The following ZFHX3 variants were observed in gnomAD, a reference collection of about 807,000 sequenced individuals.
ZFHX3 encodes the protein zinc finger homeobox 3, also known as zinc finger homeobox protein 3.
Under a neutral mutation model 279.1 loss-of-function variants are expected in ZFHX3, and 42 were observed. That is an observed-to-expected ratio of 0.15 (90% CI 0.12 to 0.19). The LOEUF (loss-of-function observed/expected upper bound fraction) is 0.19, where lower values mean the gene tolerates loss of function less well. Ranked by LOEUF, ZFHX3 falls within the 10% of genes least tolerant of loss-of-function variation. The pLI, the probability that ZFHX3 is intolerant of heterozygous loss-of-function variation, is 1.00. For synonymous variants in ZFHX3, 2,293 were observed against 1,957.8 expected (o/e 1.17, Z -4.52); for missense variants, 4,981 against 4,754.0 (o/e 1.05, Z -1.40).
At chr16:73,575,770 G>T (rs1051177657) in intron 2 of ZFHX3, among the ~76,000 whole-genome samples, 1 of 152,074 alleles carries the variant, frequency 6.6e-6, no homozygotes, top group East Asian at 1.9e-4. Flanking sequence ...CTCATGCCGC[G>T]GGGCTGTTAG....
chr16:72,830,778 A>C (rs1435144744), intron 4 of ZFHX3, among the ~76,000 whole-genome samples: 2 of 152,254 alleles, frequency 1.3e-5, no homozygotes, highest in East Asian at 3.8e-4. Flanking sequence ...ACATTATCCA[A>C]AACATGCATT....
chr16:73,846,803 G>C (rs1961460732), intron 1 of ZFHX3, among the ~76,000 whole-genome samples: 1 of 152,104 alleles, frequency 6.6e-6, no homozygotes, highest in Admixed American at 6.5e-5. Flanking sequence ...AAAAATAACA[G>C]ACAAATGTAG....
chr16:73,319,951 AATG>A (rs1877290745), intron 3 of ZFHX3, among the ~76,000 whole-genome samples: 1 of 152,158 alleles, frequency 6.6e-6, no homozygotes, highest in African/African-American at 2.4e-5. Flanking sequence ...CCACTATTAA[AATG>A]ATGAGAGTGA....
intron 8 of ZFHX3, 23 bp downstream of exon 8, chr16:72,800,004 G>A: frequency 6.2e-7 from 1 of 1,600,218 alleles, no homozygotes; most frequent in South Asian, 1.1e-5. Context: ...CAATTTCTTG[G>A]GGTCAAGAAT....
rs3081625 is a variant in ZFHX3 at position 73,004,159 on chromosome 16, C to CTTTTTTTTTTTTTTTTTTTTTTTTTTTT, written c.-50+43592_-50+43593insAAAAAAAAAAAAAAAAAAAAAAAAAAAA. Among the ~76,000 whole-genome samples, 15 of 49,372 alleles carry CTTTTTTTTTTTTTTTTTTTTTTTTTTTT rather than the reference C, an allele frequency of 3.0e-4. 2 individuals carry two copies. In the East Asian group the frequency reaches 3.7e-3, roughly 12 times the overall value. 32.4% of individuals were successfully genotyped at this position (49,372 alleles called of 152,430 possible). On this transcript the variant is annotated intron_variant, in intron 1 of 9. Coordinates refer to ENST00000268489, the MANE Select transcript of ZFHX3 (RefSeq NM_006885.4). The stretch of plus-strand genomic sequence containing the variant: ...CAATAATAACTACATAAAAACACGA[C>CTTTTTTTTTTTTTTTTTTTTTTTTTTTT]TTTTTTTTTTTTTTTTTTTTTTTTT...
At chr16:73,493,034 T>C (rs705890) in intron 2 of ZFHX3, among the ~76,000 whole-genome samples, 93,731 of 152,050 alleles carry the variant, frequency 0.62, 31,719 homozygotes, top group East Asian at 0.98. Context: ...TTTTGCTCTA[T>C]GTATAAGCTG....
chr16:72,879,915 G>T (rs1435790657), intron 4 of ZFHX3, among the ~76,000 whole-genome samples: 1 of 152,216 alleles, frequency 6.6e-6, no homozygotes, highest in East Asian at 1.9e-4. Flanking sequence ...GGTGAGGGCT[G>T]TGTGAGAACA....
At chr16:72,886,302 C>T (rs1020151035) in intron 4 of ZFHX3, among the ~76,000 whole-genome samples, 2 of 151,730 alleles carry the variant, frequency 1.3e-5, no homozygotes, top group Admixed American at 6.6e-5. Flanking sequence ...AGAGCAAAAA[C>T]ATGACTCCAG....
intron 2 of ZFHX3, among the ~76,000 whole-genome samples, chr16:73,526,335 T>C (rs2019695094): frequency 6.6e-6 from 1 of 152,196 alleles, no homozygotes; most frequent in African/African-American, 2.4e-5. Context: ...GGCCTTATAT[T>C]AATTAGACAG....
At chr16:73,730,352 C>CAAAAAA (rs66477968) in intron 1 of ZFHX3, among the ~76,000 whole-genome samples, 119 of 81,044 alleles carry the variant, frequency 1.5e-3, no homozygotes, top group African/African-American at 2.3e-3. Context: ...CCTCCCCTCG[C>CAAAAAA]AAAAAAAAAA....
chr16:72,884,906 A>T (rs2038585297), intron 4 of ZFHX3, among the ~76,000 whole-genome samples: 1 of 152,218 alleles, frequency 6.6e-6, no homozygotes, highest in Non-Finnish European at 1.5e-5. Context: ...AGTGGTTTCT[A>T]CCTGTGGGTG....
At chr16:73,428,795 T>G (rs1171991783) in intron 3 of ZFHX3, among the ~76,000 whole-genome samples, 1 of 152,176 alleles carries the variant, frequency 6.6e-6, no homozygotes, top group East Asian at 1.9e-4. Flanking sequence ...AATCCAATCC[T>G]CTGGATTCCA....
At chr16:73,442,600 A>G (rs1386079631) in intron 3 of ZFHX3, among the ~76,000 whole-genome samples, 1 of 152,246 alleles carries the variant, frequency 6.6e-6, no homozygotes, top group Non-Finnish European at 1.5e-5. Context: ...CTAGTGTCTC[A>G]GTATTGAATT....
chr16:73,072,728 C>G (rs1395833095), intron 8 of ZFHX3, among the ~76,000 whole-genome samples: 1 of 152,146 alleles, frequency 6.6e-6, no homozygotes, highest in African/African-American at 2.4e-5. Context: ...CCATGCCAGG[C>G]TAATTTGTTT....
intron 1 of ZFHX3, among the ~76,000 whole-genome samples, chr16:73,741,028 C>CTT (rs57661722): frequency 5.6e-4 from 48 of 85,562 alleles, no homozygotes; most frequent in African/African-American, 7.5e-4. Flanking sequence ...AAAAATGGGC[C>CTT]TTTTTTTTTT....
intron 1 of ZFHX3, among the ~76,000 whole-genome samples, chr16:73,056,988 AC>A: frequency 1.3e-5 from 2 of 152,342 alleles, no homozygotes; most frequent in East Asian, 3.9e-4. Context: ...AATTTGCATT[AC>A]AGCCAAGCGA....
At chr16:73,573,824 T>C (rs772878451) in intron 2 of ZFHX3, among the ~76,000 whole-genome samples, 1 of 152,204 alleles carries the variant, frequency 6.6e-6, no homozygotes, top group Non-Finnish European at 1.5e-5. Flanking sequence ...TATTACACAG[T>C]ATAAATGCGT....
At chr16:73,562,424 T>C (rs1476739623) in intron 2 of ZFHX3, among the ~76,000 whole-genome samples, 1 of 151,876 alleles carries the variant, frequency 6.6e-6, no homozygotes, top group East Asian at 1.9e-4. Flanking sequence ...TGAAACCCTG[T>C]CTCTACTAAA....
chr16:73,279,530 A>G (rs1454583149), intron 4 of ZFHX3, among the ~76,000 whole-genome samples: 1 of 152,034 alleles, frequency 6.6e-6, no homozygotes, highest in Non-Finnish European at 1.5e-5. Flanking sequence ...TTGCTAGTAG[A>G]CTCTCTAAGG....
Sources: allele counts gnomAD v4.1 joint callset (sites outside exome capture counted in the v4.1 genomes callset), GRCh38; gene constraint gnomAD v4.1.1; transcripts MANE v1.5; gene names NCBI Gene and HGNC (gene_info 2026-07-23, HGNC 2026-07-21).